The following IL1RAPL1 variants were observed in gnomAD, a reference collection of about 807,000 sequenced individuals.
IL1RAPL1 encodes interleukin 1 receptor accessory protein like 1, also known as interleukin-1 receptor accessory protein-like 1.
A neutral mutation model predicts 48.4 loss-of-function variants in IL1RAPL1; 3 were observed. The ratio of observed to expected loss-of-function variants is 0.06; its 90% CI spans 0.03 to 0.16. The LOEUF is 0.16. Ranked by LOEUF, IL1RAPL1 falls within the 10% of genes least tolerant of loss-of-function variation. IL1RAPL1 has a pLI of 1.00. For missense variants in IL1RAPL1, 349 were observed against 530.6 expected (o/e 0.66, Z 3.36); for synonymous variants, 185 against 187.7 (o/e 0.99, Z 0.12).
rs758550821 is a variant in IL1RAPL1, at chrX:28,986,909, T to A, written c.82+197484T>A. On this transcript the variant is annotated intron_variant, in intron 2 of 10. Coordinates refer to ENST00000378993, the MANE Select transcript of IL1RAPL1 (RefSeq NM_014271.4). ...TTGTCAAAGAAGAGCCACTCCGTGATGTAATTTGCATGGTCATATATATAT... is the reference window on the plus strand; with the variant it reads ...TTGTCAAAGAAGAGCCACTCCGTGAAGTAATTTGCATGGTCATATATATAT... Among the ~76,000 whole-genome samples, 63 of 112,230 alleles carry A rather than the reference T, an allele frequency of 5.6e-4. No homozygotes were observed. The Admixed American group carries it at 6.0e-3, about 11-fold the overall frequency.
At chrX:29,050,799 C>T (rs1927076340) in intron 2 of IL1RAPL1, among the ~76,000 whole-genome samples, 2 of 112,136 alleles carry the variant, frequency 1.8e-5, no homozygotes, top group African/African-American at 6.5e-5. Context: ...TGTGCTGGCA[C>T]TCCATTTAAG....
At position 28,619,874 on chromosome X, in the gene IL1RAPL1, C is replaced by G. The variant is rs775149504; in HGVS notation, c.-25+31827C>G. Among the ~76,000 whole-genome samples, 6 of 111,375 alleles carry G rather than the reference C, an allele frequency of 5.4e-5. No individual in the cohort carries two copies. In the East Asian group the frequency reaches 1.7e-3, roughly 31 times the overall value. On this transcript the variant is annotated intron_variant, in intron 1 of 10. Transcript: ENST00000378993. ...TGTTCACTGTCTCCATTTCCTAAGT[C>G]ATATTTTAGTAGATGATACCATGTA...
intron 2 of IL1RAPL1, among the ~76,000 whole-genome samples, chrX:29,168,710 C>CAT (rs1419909133): frequency 1.3e-5 from 1 of 78,719 alleles, no homozygotes. Flanking sequence ...TATATATATT[C>CAT]ATATGTACAA....
At chrX:29,545,584 T>C (rs186769837) in intron 5 of IL1RAPL1, among the ~76,000 whole-genome samples, 39 of 112,066 alleles carry the variant, frequency 3.5e-4, no homozygotes, top group African/African-American at 1.1e-3. Context: ...AAATGAGTCA[T>C]ACATCACTCT....
At chrX:29,910,231 G>A (rs142121228) in intron 6 of IL1RAPL1, among the ~76,000 whole-genome samples, 63 of 110,581 alleles carry the variant, frequency 5.7e-4, no homozygotes, top group African/African-American at 2.0e-3. Context: ...GAGGGTGGAG[G>A]GTAGAGGGTG....
At chrX:29,582,483 G>A (rs1373462437) in intron 5 of IL1RAPL1, among the ~76,000 whole-genome samples, 8 of 90,694 alleles carry the variant, frequency 8.8e-5, no homozygotes, top group African/African-American at 3.3e-4. Flanking sequence ...ATACTGGTGC[G>A]CTGCACCCAC....
At chrX:29,803,206 C>CATAT (rs1555922410) in intron 6 of IL1RAPL1, among the ~76,000 whole-genome samples, 1 of 24,646 alleles carries the variant, frequency 4.1e-5, no homozygotes, top group Non-Finnish European at 7.7e-5. Context: ...CATATACACA[C>CATAT]ATGTATATAT....
At chrX:29,666,257 A>G (rs1925995799) in intron 5 of IL1RAPL1, among the ~76,000 whole-genome samples, 1 of 111,099 alleles carries the variant, frequency 9.0e-6, no homozygotes, top group Non-Finnish European at 1.9e-5. Flanking sequence ...ATATCAGTTG[A>G]ATTGAATTGG....
chrX:28,680,400 C>G (rs1208276303), intron 1 of IL1RAPL1, among the ~76,000 whole-genome samples: 1 of 111,329 alleles, frequency 9.0e-6, no homozygotes, highest in Non-Finnish European at 1.9e-5. Flanking sequence ...ATGTCATCTA[C>G]AAACAGGGAT....
In IL1RAPL1 at chrX:29,592,720, G is replaced by A. The variant is rs182700201; in HGVS notation, c.704-75710G>A. 1.5e-4 allele frequency among the ~76,000 whole-genome samples: 17 copies of A among 111,637 alleles called. No homozygotes were observed. The East Asian group carries it at 4.0e-3, about 26-fold the overall frequency. ...TAATGCCTTCAGCACTTTTGTCATC[G>A]TTTTCAGCTTCACCCCAACTGCCAG... On this transcript the variant is annotated intron_variant, in intron 5 of 10. Transcript: ENST00000378993.
At chrX:29,405,279 A>G (rs1477089231) in intron 5 of IL1RAPL1, among the ~76,000 whole-genome samples, 1 of 106,651 alleles carries the variant, frequency 9.4e-6, no homozygotes, top group Non-Finnish European at 1.9e-5. Flanking sequence ...CCACTCTTTT[A>G]TTGCTTGCAT....
At chrX:28,809,190 A>G (rs1375682768) in intron 2 of IL1RAPL1, among the ~76,000 whole-genome samples, 1 of 110,158 alleles carries the variant, frequency 9.1e-6, no homozygotes, top group Non-Finnish European at 1.9e-5. Context: ...TTTTTCATTT[A>G]ATACTCATTC....
chrX:29,763,843 A>G (rs1420580249), intron 6 of IL1RAPL1, among the ~76,000 whole-genome samples: 2 of 110,461 alleles, frequency 1.8e-5, no homozygotes, highest in African/African-American at 6.6e-5. Flanking sequence ...ACTATATATT[A>G]TATACTTTAC....
chrX:29,114,559 A>G (rs1369560494), intron 2 of IL1RAPL1, among the ~76,000 whole-genome samples: 1 of 111,156 alleles, frequency 9.0e-6, no homozygotes, highest in East Asian at 2.8e-4. Context: ...TTGAAGTTCT[A>G]TATTGATTTC....
intron 2 of IL1RAPL1, among the ~76,000 whole-genome samples, chrX:28,992,180 T>G (rs1284734969): frequency 8.9e-6 from 1 of 111,839 alleles, no homozygotes; most frequent in Non-Finnish European, 1.9e-5. Context: ...AATAAATGTA[T>G]AAGTGTGAAT....
Position 29,022,733 on chromosome X carries a change from G to A in IL1RAPL1, c.82+233308G>A, listed in dbSNP as rs898103002. 2.7e-5 allele frequency among the ~76,000 whole-genome samples: 3 copies of A among 111,719 alleles called. No individual in the cohort carries two copies. The Admixed American group carries it at 2.9e-4, about 11-fold the overall frequency. ...CATTCTTTCTCATCTGGCACCCCAA[G>A]CTTCATTTGATTCCCTGTTTCCTTA... On this transcript the variant is annotated intron_variant, in intron 2 of 10. Transcript: ENST00000378993.
Position 29,694,838 on chromosome X carries a change from A to G in IL1RAPL1, c.778+26334A>G, listed in dbSNP as rs1342533592. ...TTTGACGTAATAATTTTGGGGGAAC[A>G]AACAGTCAGACCATAACAGATGGAT... is the stretch of plus-strand genomic sequence containing the variant. On this transcript the variant is annotated intron_variant, in intron 6 of 10. Transcript: ENST00000378993. Among the ~76,000 whole-genome samples, 31 of 111,835 alleles carry G rather than the reference A, an allele frequency of 2.8e-4. No homozygotes were observed. In the Admixed American group the frequency reaches 2.9e-3, roughly 11 times the overall value.
At chrX:29,952,002 C>T (rs961201824) in intron 9 of IL1RAPL1, among the ~76,000 whole-genome samples, 5 of 111,520 alleles carry the variant, frequency 4.5e-5, no homozygotes, top group African/African-American at 1.3e-4. Context: ...TGCAGAAAGA[C>T]GGTATTTATG....
chrX:28,884,142 A>G (rs983394794), intron 2 of IL1RAPL1, among the ~76,000 whole-genome samples: 1 of 111,558 alleles, frequency 9.0e-6, no homozygotes, highest in Admixed American at 9.6e-5. Flanking sequence ...AACCTGCACA[A>G]TGTGCACATG....
Sources: gnomAD v4.1 joint callset for allele counts (sites outside exome capture counted in the v4.1 genomes callset) on GRCh38, gnomAD v4.1.1 for gene constraint, MANE v1.5 for transcripts, NCBI Gene and HGNC (gene_info 2026-07-23, HGNC 2026-07-21) for gene names.